Variants in HMCN2 observed in about 807,000 individuals in gnomAD.
HMCN2 encodes the protein hemicentin 2, also known as hemicentin-2.
Under a neutral mutation model 377.5 loss-of-function variants are expected in HMCN2, and 325 were observed. That is an observed-to-expected ratio of 0.86 (90% CI 0.79 to 0.94). The LOEUF (loss-of-function observed/expected upper bound fraction) is 0.94. Among genes scored for constraint, HMCN2 ranks in the 40% least tolerant of loss-of-function variants. HMCN2 has a pLI of 0.00. For missense variants in HMCN2, 4,543 were observed against 4,725.3 expected, an observed-to-expected ratio of 0.96 and a Z score of 1.13; for synonymous variants, 2,007 against 2,046.8, an observed-to-expected ratio of 0.98 and a Z score of 0.53.
intron 52 of HMCN2, among the ~76,000 whole-genome samples, chr9:130,377,396 G>T (rs183183899): frequency 1.3e-5 from 2 of 152,284 alleles, no homozygotes; most frequent in East Asian, 3.9e-4. Context: ...TACAGGCCTG[G>T]CCACTGCGCC....
At chr9:130,277,075 G>A (rs1228115943) in intron 1 of HMCN2, among the ~76,000 whole-genome samples, 1 of 152,256 alleles carries the variant, frequency 6.6e-6, no homozygotes, top group African/African-American at 2.4e-5. Flanking sequence ...GGGCGAGGAA[G>A]TGGGGCACCA....
chr9:130,329,439 C>CTTTT (rs869081836), intron 22 of HMCN2, among the ~76,000 whole-genome samples: 6 of 105,828 alleles, frequency 5.7e-5, no homozygotes, highest in Non-Finnish European at 7.4e-5. Context: ...AATAGCCTCA[C>CTTTT]TTTTTTTTTT....
At chr9:130,431,824 C>T (rs1007253510) in intron 96 of HMCN2, among the ~76,000 whole-genome samples, 3 of 152,232 alleles carry the variant, frequency 2.0e-5, no homozygotes, top group African/African-American at 7.2e-5. Context: ...AGCACAGTCC[C>T]CTCTCAGATA....
intron 43 of HMCN2, 72 bp downstream of exon 43, chr9:130,366,067 T>C (rs1294649425): frequency 5.5e-5 from 54 of 973,824 alleles, no homozygotes; most frequent in Non-Finnish European, 6.5e-5. Context: ...TCCCCACTGG[T>C]TACCCCCACC....
chr9:130,288,254 CCACT>C (rs1554928723), intron 4 of HMCN2, among the ~76,000 whole-genome samples: 7 of 152,214 alleles, frequency 4.6e-5, no homozygotes, highest in Non-Finnish European at 7.3e-5. Flanking sequence ...CTGGGCAAAT[CCACT>C]ACTCCCAGCT....
chr9:130,400,663 C>G, intron 76 of HMCN2, 120 bp from the exon 77 acceptor site: 9 of 582,734 alleles, frequency 1.5e-5, no homozygotes, highest in Non-Finnish European at 1.9e-5. Context: ...TCTGTTGCCA[C>G]CTCCCTCCTT....
chr9:130,418,642 A>G, intron 85 of HMCN2, 130 bp from the exon 86 acceptor site: 4 of 657,314 alleles, frequency 6.1e-6, no homozygotes, highest in Non-Finnish European at 9.2e-6. Context: ...ACTGGGTGGA[A>G]GGATCCTATG....
intron 80 of HMCN2, among the ~76,000 whole-genome samples, 164 bp from the exon 81 acceptor site, chr9:130,404,705 C>T (rs564503895): frequency 1.1e-3 from 161 of 152,352 alleles, no homozygotes; most frequent in African/African-American, 3.2e-3. Flanking sequence ...TCAGGGAGTC[C>T]CCAAATCATC....
At chr9:130,374,128 C>T (rs918041924) in intron 48 of HMCN2, among the ~76,000 whole-genome samples, 1 of 139,542 alleles carries the variant, frequency 7.2e-6, no homozygotes. Flanking sequence ...GGTGTGTGGA[C>T]GAATAGAGAG....
intron 1 of HMCN2, among the ~76,000 whole-genome samples, chr9:130,277,794 C>CACG: frequency 9.4e-6 from 1 of 106,864 alleles, no homozygotes; most frequent in Non-Finnish European, 2.0e-5. Flanking sequence ...CCACCACCAT[C>CACG]ATCATCACCA....
intron 48 of HMCN2, among the ~76,000 whole-genome samples, chr9:130,374,183 ATGAATGGATGGT>A (rs1841249431): frequency 7.0e-6 from 1 of 143,408 alleles, no homozygotes; most frequent in Non-Finnish European, 1.5e-5. Context: ...GAGTAGGTAG[ATGAATGGATGGT>A]TGGATGGATG....
At chr9:130,382,601 T>C in intron 55 of HMCN2, 78 bp from the exon 56 acceptor site, 2 of 484,464 alleles carry the variant, frequency 4.1e-6, no homozygotes, top group South Asian at 1.8e-4. Context: ...TGACACCAAG[T>C]GCCACTCTCG....
intron 85 of HMCN2, among the ~76,000 whole-genome samples, chr9:130,411,598 C>A (rs1193524298): frequency 2.2e-3 from 210 of 97,660 alleles, no homozygotes; most frequent in African/African-American, 4.3e-3. Context: ...GACTCAATCT[C>A]AAAAAAAAAA....
chr9:130,418,804 A>T lies in HMCN2; in HGVS notation c.12994A>T (p.Met4332Leu). The T allele has an allele frequency of 6.7e-7, 1 of 1,494,820 alleles. No individual in the cohort carries two copies. 92.6% of individuals were successfully genotyped at this position (1,494,820 alleles called of 1,614,324 possible). A position where few individuals can be genotyped will look rare whatever the true frequency, so the allele number is the denominator to read the frequency against. Residue 4332 changes from methionine to leucine, a missense_variant, in exon 86 of 98, where the codon ATG becomes TTG. Transcript: ENST00000683500. ...APVFQVEPQD[M>L]TVRSGDDVAL... ...GGTGTTCCAGGTGGAGCCCCAGGAC[A>T]TGACAGTGAGATCTGGGGATGACGT...
chr9:130,267,569 C>T (rs1564731374), intron 1 of HMCN2, among the ~76,000 whole-genome samples: 1 of 152,138 alleles, frequency 6.6e-6, no homozygotes, highest in Non-Finnish European at 1.5e-5. Context: ...CAAGTCCTTG[C>T]AGAGGGATTT....
chr9:130,376,699 C>T (rs1057419351), intron 52 of HMCN2, 41 bp downstream of exon 52: 1 of 984,202 alleles, frequency 1.0e-6, no homozygotes, highest in African/African-American at 1.7e-5. Flanking sequence ...GCTCTCACCT[C>T]TGCTTCCGGC....
At position 130,430,435 on chromosome 9, in the gene HMCN2, C is replaced by G. The variant is rs1484536710; in HGVS notation, c.14478C>G (p.Thr4826=). ...TGGAGCGGAATGGACAAAATGTGAC[C>G]ACCGTCAGCCACCGAGGCCCTCTAT... is the stretch of plus-strand genomic sequence containing the variant. The part of the protein sequence containing the change: ...TSLERNGQNV[T]TVSHRGPLLP... Residue 4826 remains threonine (T), a synonymous_variant, in exon 95 of 98, where the codon ACC becomes ACG. Coordinates refer to ENST00000683500, the MANE Select transcript of HMCN2 (RefSeq NM_001291815.2). The G allele has an allele frequency of 1.9e-6, 3 of 1,550,394 alleles. No individual in the cohort carries two copies. The highest frequency in any genetic ancestry group is 2.0e-5 in the Admixed American group (1 of 50,982).
chr9:130,341,166 C>T lies in HMCN2; in HGVS notation c.3543C>T (p.Ala1181=), dbSNP rs1839027423. 1.3e-5 allele frequency: 2 copies of T among 152,496 alleles called. No homozygotes were observed. Among genetic ancestry groups the T allele is most frequent in the Admixed American group, 6.5e-5 (1 of 15,286 alleles). The allele number at this position is 152,496 out of a possible 1,614,324, so 9.4% of individuals were successfully genotyped here. ...TTCTGAAGGTGCTGGTGGGAGAAGC[C>T]CTGGATCTGAACTGTGTGGCTGAGG... ...PRVLKVLVGE[A]LDLNCVAEGN... The change falls in exon 24 of 98, where the codon GCC becomes GCT. Residue 1181 remains alanine (A), a synonymous_variant. Transcript: ENST00000683500.
rs926893963 is a variant in HMCN2 at position 130,406,066 on chromosome 9, G to C, written c.12451G>C (p.Asp4151His). Residue 4151 changes from aspartate (D) to histidine (H), a missense_variant, in exon 82 of 98, where the codon GAC (aspartate) becomes CAC (histidine). This residue lies in a region of HMCN2 where 1,073 missense variants were observed against 1,319.5 expected (regional missense o/e 0.81). Coordinates refer to ENST00000683500, the MANE Select transcript of HMCN2 (RefSeq NM_001291815.2). Reference protein sequence around the residue: ...VLPVFTTLPGDRSLRLGDRLW... With the variant: ...VLPVFTTLPGHRSLRLGDRLW... ...GCCTGTGTTCACCACCCTGCCTGGG[G>C]ACCGCAGCCTGCGCCTTGGGGACAG... 8.5e-6 allele frequency: 11 copies of C among 1,289,720 alleles called. No homozygotes were observed. Among genetic ancestry groups the C allele is most frequent in the Non-Finnish European group, 1.1e-5 (11 of 988,866 alleles). 79.9% of individuals were successfully genotyped at this position (1,289,720 alleles called of 1,614,324 possible).
Sources: allele counts gnomAD v4.1 joint callset (sites outside exome capture counted in the v4.1 genomes callset), GRCh38; gene constraint gnomAD v4.1.1; regional missense constraint gnomAD v4.1.1; transcripts MANE v1.5; gene names NCBI Gene and HGNC (gene_info 2026-07-23, HGNC 2026-07-21).